MSH3: variants seen among roughly 807,000 people sequenced by gnomAD.
MSH3 encodes mutS homolog 3.
In MSH3, 106 loss-of-function variants were observed where a neutral mutation model predicts 123.3. The ratio of observed to expected loss-of-function variants is 0.86; its 90% CI spans 0.73 to 1.01. MSH3 has a LOEUF of 1.01. Ranked by LOEUF, MSH3 falls within the 50% of genes least tolerant of loss-of-function variation. MSH3 has a pLI of 0.00. For missense variants in MSH3, 1,459 were observed against 1,347.6 expected, an observed-to-expected ratio of 1.08 and a Z score of -1.29; for synonymous variants, 515 against 481.4, an observed-to-expected ratio of 1.07 and a Z score of -0.91.
intron 20 of MSH3, among the ~76,000 whole-genome samples, chr5:80,840,450 G>A (rs548640059): frequency 6.7e-6 from 1 of 149,516 alleles, no homozygotes; most frequent in East Asian, 2.0e-4. Context: ...TCTTTGCTCT[G>A]TTGCCCAGGC....
chr5:80,864,847 C>A lies in MSH3; in HGVS notation c.3035C>A (p.Pro1012Gln). 6.2e-7 allele frequency: 1 copy of A among 1,612,694 alleles called. No individual in the cohort carries two copies. Among genetic ancestry groups the A allele is most frequent in the African/African-American group, 1.3e-5 (1 of 74,978 alleles). ...TTAACCCTGTTTGTCACCCATTATC[C>A]GCCAGTTTGTGAACTAGAAAAAAAT... ...KSLTLFVTHYPPVCELEKNYS... is the reference protein window; with the variant it reads ...KSLTLFVTHYQPVCELEKNYS... Residue 1012 changes from proline to glutamine, a missense_variant, in exon 22 of 24, where the codon CCG (proline) becomes CAG (glutamine). Pro to Gln is a moderately conservative substitution (Grantham distance 76, BLOSUM62 -1). Transcript: ENST00000265081.
At chr5:80,654,994 A>G (rs952495872) in intron 1 of MSH3, 30 bp downstream of exon 1, 3 of 1,329,628 alleles carry the variant, frequency 2.3e-6, no homozygotes. Context: ...GGGCAGGGCC[A>G]TCGGGGCTGG....
At chr5:80,816,771 G>A (rs1160639423) in intron 20 of MSH3, among the ~76,000 whole-genome samples, 2 of 152,192 alleles carry the variant, frequency 1.3e-5, no homozygotes, top group South Asian at 2.1e-4. Flanking sequence ...ATAGATAGGG[G>A]TATGGCAGCT....
intron 12 of MSH3, among the ~76,000 whole-genome samples, chr5:80,751,085 T>G (rs245399): frequency 0.87 from 133,045 of 152,070 alleles, 58,339 homozygotes; most frequent in East Asian, 1. Context: ...AAAGTTCATG[T>G]AAAATGCATA....
intron 2 of MSH3, 114 bp from the exon 3 acceptor site, chr5:80,665,029 G>C: frequency 1.3e-6 from 1 of 742,978 alleles, no homozygotes. Flanking sequence ...ATTATAGTTA[G>C]ATTCATTGCT....
At chr5:80,735,255 G>A (rs1418272082) in intron 10 of MSH3, among the ~76,000 whole-genome samples, 1 of 151,832 alleles carries the variant, frequency 6.6e-6, no homozygotes, top group Non-Finnish European at 1.5e-5. Context: ...ATGGTGGCAG[G>A]TGCCTGTAAT....
intron 1 of MSH3, chr5:80,655,624 GCC>G (rs747926110): frequency 5.5e-6 from 1 of 182,474 alleles, no homozygotes; most frequent in Non-Finnish European, 1.2e-5. Context: ...CACAGGAAAA[GCC>G]CAAGGGTGAC....
chr5:80,810,449 AAG>A (rs1176636169), intron 19 of MSH3, among the ~76,000 whole-genome samples: 2 of 152,048 alleles, frequency 1.3e-5, no homozygotes, highest in African/African-American at 4.8e-5. Flanking sequence ...AGATGCTTAA[AAG>A]AGGAATTGCT....
At chr5:80,820,473 A>G (rs1745187126) in intron 20 of MSH3, among the ~76,000 whole-genome samples, 1 of 152,218 alleles carries the variant, frequency 6.6e-6, no homozygotes, top group African/African-American at 2.4e-5. Context: ...CTCCACTGAG[A>G]CAGAAATTGT....
intron 8 of MSH3, among the ~76,000 whole-genome samples, chr5:80,723,830 A>T (rs1751138996): frequency 6.6e-6 from 1 of 152,032 alleles, no homozygotes; most frequent in South Asian, 2.1e-4. Flanking sequence ...TGGTGTGATC[A>T]CAGCTCATTG....
At chr5:80,774,210 T>A (rs959501912) in intron 15 of MSH3, among the ~76,000 whole-genome samples, 3 of 152,170 alleles carry the variant, frequency 2.0e-5, no homozygotes, top group East Asian at 3.8e-4. Context: ...CACAGTTGGA[T>A]CTATAAATAT....
chr5:80,708,789 CTTTTTTT>C (rs10563790), intron 8 of MSH3, among the ~76,000 whole-genome samples: 36,389 of 150,738 alleles, frequency 0.24, 4,424 homozygotes, highest in Middle Eastern at 0.32. Flanking sequence ...TTTCTTTTTT[CTTTTTTT>C]GAGACACAGT....
intron 21 of MSH3, among the ~76,000 whole-genome samples, chr5:80,858,985 T>A (rs561244650): frequency 6.6e-6 from 1 of 152,320 alleles, no homozygotes; most frequent in Admixed American, 6.5e-5. Context: ...TTATATAATA[T>A]CCTTCTTTAT....
intron 8 of MSH3, among the ~76,000 whole-genome samples, chr5:80,688,109 C>T (rs1369388917): frequency 2.6e-5 from 4 of 152,128 alleles, no homozygotes; most frequent in Non-Finnish European, 5.9e-5. Context: ...CAGAAAGATA[C>T]TTGGTTAAAA....
chr5:80,786,001 GGA>G (rs1163812002), intron 17 of MSH3, among the ~76,000 whole-genome samples: 4 of 151,206 alleles, frequency 2.6e-5, no homozygotes, highest in Admixed American at 6.6e-5. Flanking sequence ...TGGGGTGGGG[GGA>G]AGGGGGGAGG....
Position 80,835,184 on chromosome 5 carries a change from G to C in MSH3, c.2814-18946G>C, listed in dbSNP as rs192439594. 1.2e-3 allele frequency among the ~76,000 whole-genome samples: 186 copies of C among 152,342 alleles called. 1 individual carries two copies. The highest frequency in any genetic ancestry group is 4.3e-3 in the African/African-American group (180 of 41,588). On this transcript the variant is annotated intron_variant, in intron 20 of 23. Coordinates refer to ENST00000265081, the MANE Select transcript of MSH3 (RefSeq NM_002439.5). ...GCTTGAGCAAGAAGAAAAAATGTAGGGGAAGGGTAAATAGCTCTGTCTAGA... is the reference window on the plus strand; with the variant it reads ...GCTTGAGCAAGAAGAAAAAATGTAGCGGAAGGGTAAATAGCTCTGTCTAGA...
intron 19 of MSH3, among the ~76,000 whole-genome samples, chr5:80,803,617 G>T (rs1744833857): frequency 6.6e-6 from 1 of 151,002 alleles, no homozygotes; most frequent in Non-Finnish European, 1.5e-5. Context: ...TTCGTTGCCT[G>T]TGTTTGTGGG....
intron 12 of MSH3, among the ~76,000 whole-genome samples, chr5:80,755,076 G>C (rs1489569550): frequency 6.6e-6 from 1 of 152,134 alleles, no homozygotes; most frequent in Non-Finnish European, 1.5e-5. Context: ...ATTACTGCTC[G>C]GAAATGGGAA....
At chr5:80,663,167 G>C (rs1749480472) in intron 2 of MSH3, among the ~76,000 whole-genome samples, 1 of 152,192 alleles carries the variant, frequency 6.6e-6, no homozygotes, top group Admixed American at 6.5e-5. Flanking sequence ...GAGCCTGGGA[G>C]GTCAAGGTTG....
Sources: gnomAD v4.1 joint callset for allele counts (sites outside exome capture counted in the v4.1 genomes callset) on GRCh38, gnomAD v4.1.1 for gene constraint, MANE v1.5 for transcripts, NCBI Gene and HGNC (gene_info 2026-07-23, HGNC 2026-07-21) for gene names.